CEP57: variants seen among roughly 807,000 people sequenced by gnomAD.
The protein encoded by CEP57 is centrosomal protein 57, also known as centrosomal protein of 57 kDa.
In CEP57, 40 loss-of-function variants were observed where a neutral mutation model predicts 68.0. That is an observed-to-expected ratio of 0.59 (90% CI 0.46 to 0.77). CEP57 has a LOEUF of 0.77. Ranked by LOEUF, CEP57 falls within the 30% of genes least tolerant of loss-of-function variation. The pLI, the probability that CEP57 is intolerant of heterozygous loss-of-function variation, is 0.00. For synonymous variants in CEP57, 219 were observed against 198.7 expected (o/e 1.10, Z -0.86); for missense variants, 606 against 580.7 (o/e 1.04, Z -0.45).
intron 2 of CEP57, among the ~76,000 whole-genome samples, chr11:95,802,170 C>G (rs1198295846): frequency 6.6e-6 from 1 of 151,654 alleles, no homozygotes; most frequent in Non-Finnish European, 1.5e-5. Context: ...AATAGATAAT[C>G]TGAGTTTTAA....
intron 2 of CEP57, among the ~76,000 whole-genome samples, chr11:95,800,933 A>G (rs904498220): frequency 6.6e-6 from 1 of 152,188 alleles, no homozygotes; most frequent in Non-Finnish European, 1.5e-5. Flanking sequence ...ATGCTGTGGC[A>G]TTTCCTTTTT....
At chr11:95,815,369 T>C (rs1862257309) in intron 4 of CEP57, 1 of 152,256 alleles carries the variant, frequency 6.6e-6, no homozygotes, top group African/African-American at 2.4e-5. Context: ...TTGAATGTAC[T>C]GTTACTCTGT....
At chr11:95,819,257 G>GTTCTCTTTGGTGAACA in intron 6 of CEP57, among the ~76,000 whole-genome samples, 1 of 152,192 alleles carries the variant, frequency 6.6e-6, no homozygotes, top group Non-Finnish European at 1.5e-5. Context: ...TGTACTTATA[G>GTTCTCTTTGGTGAACA]GTACTTCTCT....
In CEP57 at chr11:95,827,796, C is replaced by A. The variant is rs776778777; in HGVS notation, c.896C>A (p.Pro299His). 47 of 1,614,028 alleles carry A rather than the reference C, an allele frequency of 2.9e-5. No individual in the cohort carries two copies. The highest frequency in any genetic ancestry group is 3.1e-5 in the Non-Finnish European group (36 of 1,179,970). ...TTTTTCTTCCTTTAGTCCACAAGCC[C>A]TAGCCATGCCGTGGTAGCCAATGTT... The part of the protein sequence containing the change: ...MPFVAGKSTS[P>H]SHAVVANVQL... The change falls in exon 9 of 11, where the codon CCT becomes CAT. Residue 299 changes from proline (P) to histidine (H), a missense_variant. Coordinates refer to ENST00000325542, the MANE Select transcript of CEP57 (RefSeq NM_014679.5).
intron 2 of CEP57, among the ~76,000 whole-genome samples, chr11:95,802,828 A>G (rs1861638658): frequency 6.6e-6 from 1 of 152,218 alleles, no homozygotes; most frequent in African/African-American, 2.4e-5. Context: ...TCTGCCCTCA[A>G]TGTGCCTATG....
intron 3 of CEP57, 87 bp downstream of exon 3, chr11:95,813,198 T>C: frequency 1.5e-6 from 2 of 1,334,224 alleles, no homozygotes; most frequent in Non-Finnish European, 2.1e-6. Context: ...ATTAGTGTTT[T>C]GTAGCGGTAT....
rs758284146 is a variant in CEP57, at chr11:95,818,859, T to C, written c.654T>C (p.His218=). ...KKMQELEAKL[H]EEEQERKRMQ... ...TGCAAGAGTTGGAAGCAAAACTCCA[T>C]GAAGAAGAACAGGAAAGGAAACGCA... The change falls in exon 6 of 11, where the codon CAT becomes CAC. Residue 218 remains histidine (H), a synonymous_variant. Transcript: ENST00000325542. The C allele has an allele frequency of 4.3e-6, 7 of 1,613,892 alleles. No homozygotes were observed. In the Admixed American group the frequency reaches 6.7e-5, roughly 15 times the overall value.
chr11:95,830,701 C>T (rs1331281699), intron 10 of CEP57, among the ~76,000 whole-genome samples: 1 of 152,056 alleles, frequency 6.6e-6, no homozygotes, highest in Non-Finnish European at 1.5e-5. Context: ...GTCTTTCCTT[C>T]AACTCCCCTT....
At chr11:95,826,278 TATTGCTTACA>T (rs1862739534) in intron 8 of CEP57, 2 of 152,234 alleles carry the variant, frequency 1.3e-5, no homozygotes, top group Non-Finnish European at 2.9e-5. Flanking sequence ...ACTTTTAGAA[TATTGCTTACA>T]ATACATAAAA....
In CEP57 at chr11:95,829,219, A is replaced by C. The variant is rs749225516; in HGVS notation, c.1160A>C (p.Glu387Ala). The C allele has an allele frequency of 1.2e-5, 19 of 1,613,940 alleles. No homozygotes were observed. The highest frequency in any genetic ancestry group is 1.5e-5 in the Non-Finnish European group (18 of 1,180,028). The change falls in exon 10 of 11, where the codon GAG becomes GCG. Residue 387 changes from glutamate to alanine, a missense_variant. Transcript: ENST00000325542. Reference protein sequence around the residue: ...DHQQLAKLIQESPTVELKDKL... With the variant: ...DHQQLAKLIQASPTVELKDKL... ...CAGCAGCTTGCAAAACTTATCCAGG[A>C]GTCGCCAACCGTTGAACTGAAAGAC...
chr11:95,812,764 T>C, intron 2 of CEP57, 168 bp from the exon 3 acceptor site: 3 of 688,650 alleles, frequency 4.4e-6, no homozygotes, highest in Non-Finnish European at 7.6e-6. Flanking sequence ...AAATTGATTT[T>C]TTAAAAAACA....
intron 9 of CEP57, 117 bp downstream of exon 9, chr11:95,828,144 T>A (rs955034355): frequency 8.2e-7 from 1 of 1,212,808 alleles, no homozygotes; most frequent in African/African-American, 1.5e-5. Context: ...TTGAGCACAA[T>A]CCTTATACCA....
chr11:95,797,206 G>T (rs1459502437), intron 1 of CEP57, among the ~76,000 whole-genome samples: 1 of 121,544 alleles, frequency 8.2e-6, no homozygotes, highest in African/African-American at 3.3e-5. Flanking sequence ...TCACTCTCTT[G>T]CCTAGGCTGT....
Position 95,790,707 on chromosome 11 carries a change from G to A in CEP57, c.9G>A (p.Ala3=). Residue 3 remains alanine, a synonymous_variant, in exon 1 of 11, where the codon GCG becomes GCA. Transcript: ENST00000325542. ...CCTGGGCAGGCTGAAAGATGGCGGC[G>A]GCGTCTGTCTCTGCGGCTTCTGGTT... MA[A]ASVSAASGSH... is the part of the protein sequence containing the mutation. 1.2e-6 allele frequency: 2 copies of A among 1,614,096 alleles called. No individual in the cohort carries two copies. The highest frequency in any genetic ancestry group is 1.7e-6 in the Non-Finnish European group (2 of 1,179,994).
chr11:95,812,887 C>T (rs371996019), intron 2 of CEP57, 45 bp from the exon 3 acceptor site: 130 of 1,543,388 alleles, frequency 8.4e-5, no homozygotes, highest in Middle Eastern at 3.7e-4. Flanking sequence ...ATACTTTCTC[C>T]GCATATGCTG....
rs74638899 is a variant in CEP57, at chr11:95,790,498, C to T, written c.-201C>T. On this transcript the variant is annotated 5_prime_UTR_variant, in exon 1 of 11. Transcript: ENST00000325542. ...AAGACGTCCGTTAGGACGTGTTGCC[C>T]TTTCTGTGTAAGCTGTGAGCGTAGG... 1,459 of 615,716 alleles carry T rather than the reference C, an allele frequency of 2.4e-3. 21 individuals carry two copies. The highest frequency in any genetic ancestry group is 0.024 in the African/African-American group (1,276 of 54,226). The allele number at this position is 615,716 out of a possible 1,614,324, so 38.1% of individuals were successfully genotyped here.
intron 1 of CEP57, among the ~76,000 whole-genome samples, chr11:95,797,703 A>G (rs1254991): frequency 0.18 from 27,976 of 152,220 alleles, 6,202 homozygotes; most frequent in African/African-American, 0.53. Context: ...ATAAAAATGT[A>G]TATGTCATGA....
Position 95,831,814 on chromosome 11 carries a change from A to G in CEP57, c.*558A>G, listed in dbSNP as rs1271937778. ...CTTTTTGGCATTTCAGACTTTGATC[A>G]GTGTTAAGTGCACTTGTATTGCTTT... On this transcript the variant is annotated 3_prime_UTR_variant, in exon 11 of 11. Transcript: ENST00000325542. The G allele has an allele frequency of 1.3e-5, 2 of 152,088 alleles. No homozygotes were observed. The highest frequency in any genetic ancestry group is 1.3e-4 in the Admixed American group (2 of 15,256). 9.4% of individuals were successfully genotyped at this position (152,088 alleles called of 1,614,324 possible). A position where few individuals can be genotyped will look rare whatever the true frequency, so the allele number is the denominator to read the frequency against.
At chr11:95,818,561 A>G (rs1219517254) in intron 5 of CEP57, among the ~76,000 whole-genome samples, 1 of 152,152 alleles carries the variant, frequency 6.6e-6, no homozygotes, top group African/African-American at 2.4e-5. Flanking sequence ...TAGCCTCCCT[A>G]TCCCTCTTTA....
Sources: gnomAD v4.1 joint callset for allele counts (sites outside exome capture counted in the v4.1 genomes callset) on GRCh38, gnomAD v4.1.1 for gene constraint, MANE v1.5 for transcripts, NCBI Gene and HGNC (gene_info 2026-07-23, HGNC 2026-07-21) for gene names.